The following MIPOL1 variants were observed in gnomAD, a reference collection of about 807,000 sequenced individuals.
The protein encoded by MIPOL1 is mirror-image polydactyly 1.
In MIPOL1, 57 loss-of-function variants were observed where a neutral mutation model predicts 60.9. The observed-to-expected ratio is 0.94, with a 90% CI of 0.76 to 1.17. The LOEUF is 1.17. MIPOL1 is among the 50% of genes most tolerant of loss of function. The pLI is 0.00. For missense variants in MIPOL1, 551 were observed against 511.6 expected (o/e 1.08, Z -0.74); for synonymous variants, 179 against 168.8 (o/e 1.06, Z -0.47).
At chr14:37,451,602 A>G in intron 11 of MIPOL1, among the ~76,000 whole-genome samples, 1 of 151,046 alleles carries the variant, frequency 6.6e-6, no homozygotes, top group Non-Finnish European at 1.5e-5. Context: ...CTCTCTCATC[A>G]TAATCATAGG....
intron 9 of MIPOL1, among the ~76,000 whole-genome samples, chr14:37,321,636 A>G (rs2088585466): frequency 6.6e-6 from 1 of 151,946 alleles, no homozygotes; most frequent in African/African-American, 2.4e-5. Context: ...GCATAGATGT[A>G]TTGTTCGTAT....
intron 10 of MIPOL1, among the ~76,000 whole-genome samples, chr14:37,419,535 A>G (rs562493894): frequency 2.3e-4 from 35 of 152,370 alleles, no homozygotes; most frequent in African/African-American, 7.7e-4. Context: ...TTACTTGCAT[A>G]TATGTTTACT....
Position 37,500,028 on chromosome 14 carries a change from T to C in MIPOL1, c.1152T>C (p.Asn384=), listed in dbSNP as rs1315572828. 1.9e-6 allele frequency: 3 copies of C among 1,613,726 alleles called. No homozygotes were observed. The highest frequency in any genetic ancestry group is 1.1e-5 in the South Asian group (1 of 91,068). The change falls in exon 12 of 13, where the codon AAT becomes AAC. Residue 384 remains asparagine (N), a synonymous_variant. Transcript: ENST00000684589. ...ENIVSITQQQ[N]EELATQLQQA... ...TTGTTTCCATCACTCAACAACAAAATGAGGAACTGGCTACTCAACTGCAAC... is the reference window on the plus strand; with the variant it reads ...TTGTTTCCATCACTCAACAACAAAACGAGGAACTGGCTACTCAACTGCAAC...
intron 10 of MIPOL1, among the ~76,000 whole-genome samples, chr14:37,403,880 GT>G (rs1405036931): frequency 6.6e-6 from 1 of 152,082 alleles, no homozygotes; most frequent in African/African-American, 2.4e-5. Context: ...TCTAATCCTT[GT>G]TTTCAGAAAG....
chr14:37,369,483 T>A (rs750450289), intron 9 of MIPOL1, 34 bp from the exon 10 acceptor site: 6 of 1,504,040 alleles, frequency 4.0e-6, no homozygotes, highest in Non-Finnish European at 4.6e-6. Flanking sequence ...ATGCTATAAC[T>A]CCTTTACTTA....
intron 9 of MIPOL1, among the ~76,000 whole-genome samples, chr14:37,361,465 G>A (rs189287070): frequency 1.4e-4 from 21 of 152,154 alleles, no homozygotes; most frequent in Admixed American, 1.3e-3. Flanking sequence ...GGGAGTCTAC[G>A]TCTCTTTGTA....
chr14:37,476,148 T>G (rs1052697333), intron 11 of MIPOL1, among the ~76,000 whole-genome samples: 2 of 152,220 alleles, frequency 1.3e-5, no homozygotes, highest in African/African-American at 2.4e-5. Context: ...TAAGTATTTC[T>G]CTTTTCGGCA....
chr14:37,286,888 A>G (rs554697120), intron 7 of MIPOL1, among the ~76,000 whole-genome samples: 2 of 152,176 alleles, frequency 1.3e-5, no homozygotes, highest in Admixed American at 1.3e-4. Context: ...CCTAAACATC[A>G]TTACCTAGAA....
chr14:37,426,410 A>T (rs2093959965), intron 11 of MIPOL1, among the ~76,000 whole-genome samples: 1 of 151,166 alleles, frequency 6.6e-6, no homozygotes, highest in African/African-American at 2.4e-5. Flanking sequence ...TCTACTAAAA[A>T]TACAAAAAAT....
intron 1 of MIPOL1, among the ~76,000 whole-genome samples, chr14:37,243,566 G>T (rs899361813): frequency 1.3e-5 from 2 of 152,020 alleles, no homozygotes; most frequent in Non-Finnish European, 2.9e-5. Context: ...TATTGTAAAT[G>T]ATCTCTAGTT....
At chr14:37,251,649 G>A (rs183460798) in intron 3 of MIPOL1, among the ~76,000 whole-genome samples, 11 of 151,160 alleles carry the variant, frequency 7.3e-5, no homozygotes, top group Middle Eastern at 3.5e-3. Flanking sequence ...GCCCTTTTTT[G>A]TACTTACTTA....
rs368763092 is a variant in MIPOL1 at position 37,482,683 on chromosome 14, C to A, written c.1032-17225C>A. On this transcript the variant is annotated intron_variant, in intron 11 of 12. Transcript: ENST00000684589. Reference sequence around the variant, plus strand: ...GGGGAAACCACCCCCATGAACTAGTCACCTCTCACCAGGTTCCTCCCTCGA... The same window carrying A: ...GGGGAAACCACCCCCATGAACTAGTAACCTCTCACCAGGTTCCTCCCTCGA... Among the ~76,000 whole-genome samples, 12 of 152,302 alleles carry A rather than the reference C, an allele frequency of 7.9e-5. No homozygotes were observed. The South Asian group carries it at 2.3e-3, about 29-fold the overall frequency.
chr14:37,253,715 C>T (rs767598947), intron 3 of MIPOL1, among the ~76,000 whole-genome samples: 22 of 151,464 alleles, frequency 1.5e-4, no homozygotes, highest in Non-Finnish European at 3.1e-4. Flanking sequence ...TATTTTCTTC[C>T]AATACAATGT....
intron 3 of MIPOL1, among the ~76,000 whole-genome samples, chr14:37,261,469 C>T (rs573392453): frequency 6.6e-6 from 1 of 151,940 alleles, no homozygotes; most frequent in South Asian, 2.1e-4. Context: ...TAAATTTGTT[C>T]AGGAAATTGA....
At chr14:37,444,065 C>A (rs945143464) in intron 11 of MIPOL1, among the ~76,000 whole-genome samples, 5 of 152,088 alleles carry the variant, frequency 3.3e-5, no homozygotes, top group African/African-American at 1.2e-4. Context: ...CAAGGATGAT[C>A]TTCCCACTTG....
At chr14:37,379,067 C>T (rs1287148853) in intron 10 of MIPOL1, among the ~76,000 whole-genome samples, 1 of 151,936 alleles carries the variant, frequency 6.6e-6, no homozygotes, top group African/African-American at 2.4e-5. Context: ...ATGCCTACTA[C>T]AAAGCTACAG....
At chr14:37,417,786 A>G (rs1428376348) in intron 10 of MIPOL1, among the ~76,000 whole-genome samples, 4 of 152,184 alleles carry the variant, frequency 2.6e-5, no homozygotes, top group African/African-American at 9.7e-5. Context: ...TACTCTGGAA[A>G]TAACTCTATT....
chr14:37,241,491 G>A (rs1972343862), intron 1 of MIPOL1, among the ~76,000 whole-genome samples: 1 of 150,202 alleles, frequency 6.7e-6, no homozygotes, highest in Non-Finnish European at 1.5e-5. Flanking sequence ...GCCGAGGTGG[G>A]AGAATCGCTT....
At chr14:37,545,801 C>CCTTCAGT in intron 12 of MIPOL1, 2 of 523,250 alleles carry the variant, frequency 3.8e-6, no homozygotes, top group South Asian at 5.0e-5. Context: ...TACCCTCATT[C>CCTTCAGT]CTTCAGTGTC....
Sources: allele counts gnomAD v4.1 joint callset (sites outside exome capture counted in the v4.1 genomes callset), GRCh38; gene constraint gnomAD v4.1.1; transcripts MANE v1.5; gene names NCBI Gene and HGNC (gene_info 2026-07-23, HGNC 2026-07-21).